Variants in TRPM3 observed in about 807,000 individuals in gnomAD.
TRPM3 encodes the protein long transient receptor potential channel 3.
A neutral mutation model predicts 181.2 loss-of-function variants in TRPM3; 77 were observed. That is an observed-to-expected ratio of 0.42 (90% CI 0.35 to 0.51). TRPM3 has a LOEUF of 0.51. Among genes scored for constraint, TRPM3 ranks in the 20% least tolerant of loss-of-function variants. TRPM3 has a pLI of 0.01. For synonymous variants in TRPM3, 745 were observed against 796.4 expected (o/e 0.94, Z 1.09); for missense variants, 1,759 against 2,196.7 (o/e 0.80, Z 3.98).
At chr9:71,438,807 T>C (rs1487817410) in intron 1 of TRPM3, among the ~76,000 whole-genome samples, 3 of 152,190 alleles carry the variant, frequency 2.0e-5, no homozygotes, top group African/African-American at 7.2e-5. Flanking sequence ...TGAAGCAAGA[T>C]TGATTTGTCA....
In TRPM3 at chr9:70,530,609, G is replaced by A. The variant is rs1396306911; in HGVS notation, c.*5344C>T. On this transcript the variant is annotated 3_prime_UTR_variant, in exon 26 of 26. Coordinates refer to ENST00000677713, the MANE Select transcript of TRPM3 (RefSeq NM_001366145.2). The stretch of plus-strand genomic sequence containing the variant: ...TGGTCACCAAAATCCTCTCTTAGAT[G>A]ACCTGTAGAAACAGTCACGTTGCTT... 2 of 152,184 alleles carry A rather than the reference G, an allele frequency of 1.3e-5. No homozygotes were observed. The allele number at this position is 152,184 out of a possible 1,614,324, so 9.4% of individuals were successfully genotyped here.
At chr9:71,323,470 T>C (rs2089424006) in intron 1 of TRPM3, among the ~76,000 whole-genome samples, 2 of 152,166 alleles carry the variant, frequency 1.3e-5, no homozygotes, top group Non-Finnish European at 2.9e-5. Context: ...ATCTGAATGT[T>C]AACTGAACTC....
intron 1 of TRPM3, among the ~76,000 whole-genome samples, chr9:70,913,365 G>A (rs1344715770): frequency 6.6e-6 from 1 of 152,128 alleles, no homozygotes; most frequent in African/African-American, 2.4e-5. Context: ...TCAGTGCAGT[G>A]TAGTGACCTC....
rs114592308 is a variant in TRPM3, at chr9:71,326,005, T to A, written c.183+120648A>T. ...CAGAAGTTTCTATTAAAGAATGGAT[T>A]CTAGTGATGTGATATGAACATTGCA... is the stretch of plus-strand genomic sequence containing the variant. On this transcript the variant is annotated intron_variant, in intron 1 of 24. Transcript: ENST00000357533. 4.3e-3 allele frequency among the ~76,000 whole-genome samples: 648 copies of A among 152,322 alleles called. 8 individuals carry two copies. The highest frequency in any genetic ancestry group is 0.015 in the African/African-American group (621 of 41,564).
chr9:70,613,832 T>C (rs148718576), intron 18 of TRPM3, among the ~76,000 whole-genome samples: 46 of 152,246 alleles, frequency 3.0e-4, no homozygotes, highest in African/African-American at 1.0e-3. Context: ...AAGGATCAGG[T>C]TCTCAAAGCT....
chr9:71,039,248 T>C (rs1266179227), intron 1 of TRPM3, among the ~76,000 whole-genome samples: 1 of 152,188 alleles, frequency 6.6e-6, no homozygotes, highest in Non-Finnish European at 1.5e-5. Context: ...CAAAGCTTTC[T>C]GTCTCTAAGC....
At chr9:70,911,597 ATTCT>A in intron 1 of TRPM3, among the ~76,000 whole-genome samples, 1 of 152,314 alleles carries the variant, frequency 6.6e-6, no homozygotes, top group African/African-American at 2.4e-5. Flanking sequence ...CCTCATGTAT[ATTCT>A]TTATCAATGA....
Position 71,170,829 on chromosome 9 carries a change from G to GA in TRPM3, c.183+275823dup, listed in dbSNP as rs1204498896. Among the ~76,000 whole-genome samples, 3 of 152,038 alleles carry GA rather than the reference G, an allele frequency of 2.0e-5. No homozygotes were observed. In the East Asian group the frequency reaches 5.8e-4, roughly 29 times the overall value. The stretch of plus-strand genomic sequence containing the variant: ...GAGCAATATGAAATGTGGGCACCTT[G>GA]AAAAAAGAACAGGATAACAGCAATT... On this transcript the variant is annotated intron_variant, in intron 1 of 24. Coordinates refer to the TRPM3 transcript ENST00000357533.
At chr9:71,251,233 T>A (rs1341226238) in intron 1 of TRPM3, among the ~76,000 whole-genome samples, 4 of 152,190 alleles carry the variant, frequency 2.6e-5, no homozygotes. Flanking sequence ...TATACATTCT[T>A]GTGCTCAGGA....
chr9:71,426,780 A>G (rs539080648), intron 1 of TRPM3, among the ~76,000 whole-genome samples: 27 of 152,196 alleles, frequency 1.8e-4, no homozygotes, highest in Admixed American at 1.6e-3. Context: ...ACTGATTTAC[A>G]CTGTGCTAAA....
chr9:71,003,978 G>A (rs1313438313), intron 1 of TRPM3, among the ~76,000 whole-genome samples: 1 of 152,200 alleles, frequency 6.6e-6, no homozygotes, highest in African/African-American at 2.4e-5. Context: ...GGTTTCTGAA[G>A]TGGAAGGAGA....
intron 1 of TRPM3, among the ~76,000 whole-genome samples, chr9:71,422,305 A>C (rs2093790366): frequency 6.6e-6 from 1 of 152,118 alleles, no homozygotes; most frequent in Admixed American, 6.6e-5. Context: ...TAGACACTGA[A>C]GGAAAATGTG....
chr9:70,959,066 A>G (rs1168710328), intron 1 of TRPM3, among the ~76,000 whole-genome samples: 3 of 151,676 alleles, frequency 2.0e-5, no homozygotes, highest in Admixed American at 6.6e-5. Flanking sequence ...CGACGAGTTA[A>G]TGGGTGCAGC....
intron 1 of TRPM3, among the ~76,000 whole-genome samples, chr9:71,290,535 C>G (rs1420965821): frequency 7.4e-6 from 1 of 135,946 alleles, no homozygotes; most frequent in African/African-American, 3.8e-5. Flanking sequence ...AAATAGGAGA[C>G]TCTCTAAAGA....
chr9:70,783,085 TA>T (rs2082811972), intron 7 of TRPM3, among the ~76,000 whole-genome samples: 1 of 152,176 alleles, frequency 6.6e-6, no homozygotes, highest in South Asian at 2.1e-4. Flanking sequence ...AGCTCACTTG[TA>T]TTTTTGTTTT....
chr9:70,851,419 A>G (rs2095225692), intron 3 of TRPM3, among the ~76,000 whole-genome samples: 1 of 152,238 alleles, frequency 6.6e-6, no homozygotes, highest in African/African-American at 2.4e-5. Flanking sequence ...TCAATTATTC[A>G]TACTAATTGG....
At chr9:71,318,987 A>C (rs1386917640) in intron 1 of TRPM3, among the ~76,000 whole-genome samples, 1 of 148,568 alleles carries the variant, frequency 6.7e-6, no homozygotes, top group African/African-American at 2.6e-5. Flanking sequence ...ATAAATTTGC[A>C]TTTTCTAAAA....
chr9:70,771,080 T>C (rs1258119144), intron 7 of TRPM3, among the ~76,000 whole-genome samples: 1 of 152,198 alleles, frequency 6.6e-6, no homozygotes, highest in African/African-American at 2.4e-5. Flanking sequence ...CTAGGGTTGC[T>C]AAGATGCCTT....
intron 1 of TRPM3, among the ~76,000 whole-genome samples, chr9:71,025,048 A>T (rs987086364): frequency 6.6e-6 from 1 of 152,196 alleles, no homozygotes; most frequent in Admixed American, 6.5e-5. Context: ...ACAACATACC[A>T]TTGTAATGTG....
Sources: gnomAD v4.1 joint callset for allele counts (sites outside exome capture counted in the v4.1 genomes callset) on GRCh38, gnomAD v4.1.1 for gene constraint, MANE v1.5 for transcripts, NCBI Gene and HGNC (gene_info 2026-07-23, HGNC 2026-07-21) for gene names.